The following PDE1A variants were observed in gnomAD, a reference collection of about 807,000 sequenced individuals.
PDE1A encodes the protein dual specificity calcium/calmodulin-dependent 3',5'-cyclic nucleotide phosphodiesterase 1A.
Under a neutral mutation model 61.7 loss-of-function variants are expected in PDE1A, and 35 were observed. The observed-to-expected ratio is 0.57, with a 90% CI of 0.43 to 0.75. The LOEUF (loss-of-function observed/expected upper bound fraction) is 0.75. Among genes scored for constraint, PDE1A ranks in the 30% least tolerant of loss-of-function variants. The pLI is 0.00. For missense variants in PDE1A, 597 were observed against 630.6 expected (o/e 0.95, Z 0.57); for synonymous variants, 232 against 213.2 (o/e 1.09, Z -0.77).
chr2:182,469,969 T>C (rs905219412), intron 2 of PDE1A, among the ~76,000 whole-genome samples: 2 of 151,698 alleles, frequency 1.3e-5, no homozygotes, highest in Admixed American at 6.6e-5. Context: ...CCCACAACAA[T>C]TGCAATAGTA....
intron 2 of PDE1A, among the ~76,000 whole-genome samples, chr2:182,486,008 A>G (rs556141390): frequency 3.3e-5 from 5 of 152,166 alleles, no homozygotes; most frequent in Non-Finnish European, 7.4e-5. Flanking sequence ...AGAAAGGAAG[A>G]AGTAAAACTC....
At chr2:182,163,942 G>T (rs1031741260), downstream of PDE1A, among the ~76,000 whole-genome samples, 1 of 152,126 alleles carries the variant, frequency 6.6e-6, no homozygotes, top group Non-Finnish European at 1.5e-5. Flanking sequence ...CACAATAGAG[G>T]TCTTTAGGAT....
At position 182,403,598 on chromosome 2, in the gene PDE1A, C is replaced by CAAAAAAAAAAAAAAA. The variant is rs548993514; in HGVS notation, c.53+22965_53+22979dup. On this transcript the variant is annotated intron_variant, in intron 1 of 13. Transcript: ENST00000351439. ...TGGGCGACAGAGCCAGACTCCGTCT[C>CAAAAAAAAAAAAAAA]AAAAAAAAAAAAAAAAGAAAATGTG... 3.6e-3 allele frequency among the ~76,000 whole-genome samples: 275 copies of CAAAAAAAAAAAAAAA among 77,446 alleles called. 1 individual carries two copies. The highest frequency in any genetic ancestry group is 4.9e-3 in the Non-Finnish European group (200 of 41,020). The allele number at this position is 77,446 out of a possible 152,430, so 50.8% of individuals were successfully genotyped here. A position where few individuals can be genotyped will look rare whatever the true frequency, so the allele number is the denominator to read the frequency against.
intron 1 of PDE1A, among the ~76,000 whole-genome samples, chr2:182,283,681 A>T (rs1365148721): frequency 6.6e-6 from 1 of 152,088 alleles, no homozygotes; most frequent in Non-Finnish European, 1.5e-5. Context: ...TTCACCCAGA[A>T]GGAAATGAAT....
At chr2:182,332,376 T>C (rs932906726) in intron 1 of PDE1A, among the ~76,000 whole-genome samples, 8 of 152,190 alleles carry the variant, frequency 5.3e-5, no homozygotes, top group African/African-American at 1.4e-4. Flanking sequence ...TCATTCTCTG[T>C]CCAGTTTTGT....
At chr2:182,168,732 T>A (rs1043857924) in intron 13 of PDE1A, among the ~76,000 whole-genome samples, 2 of 152,142 alleles carry the variant, frequency 1.3e-5, no homozygotes, top group Admixed American at 6.6e-5. Flanking sequence ...GAAATGATAT[T>A]CTATCTGTGA....
At chr2:182,279,476 T>G (rs1413345964) in intron 1 of PDE1A, among the ~76,000 whole-genome samples, 1 of 151,968 alleles carries the variant, frequency 6.6e-6, no homozygotes, top group East Asian at 1.9e-4. Flanking sequence ...CTGCTTTCTT[T>G]TTCTTTCCAC....
the PDE1A span, among the ~76,000 whole-genome samples, chr2:182,584,490 A>G: frequency 6.6e-6 from 1 of 152,228 alleles, no homozygotes; most frequent in African/African-American, 2.4e-5. Context: ...CCTGTCTTTA[A>G]AAAGAAGATA....
chr2:182,141,399 C>T lies in PDE1A; in HGVS notation c.*1683G>A, dbSNP rs532375121. 5 of 152,194 alleles carry T rather than the reference C, an allele frequency of 3.3e-5. No homozygotes were observed. In the East Asian group the frequency reaches 9.7e-4, roughly 29 times the overall value. The allele number at this position is 152,194 out of a possible 1,614,324, so 9.4% of individuals were successfully genotyped here. A position where few individuals can be genotyped will look rare whatever the true frequency, so the allele number is the denominator to read the frequency against. On this transcript the variant is annotated 3_prime_UTR_variant, in exon 15 of 15. Coordinates refer to the PDE1A transcript ENST00000435564. ...TGATGTACATATCTATAAATGTTTT[C>T]CCCAGCACATTATTATAGATCAATC...
At chr2:182,362,023 G>A (rs1699542100) in intron 1 of PDE1A, among the ~76,000 whole-genome samples, 2 of 152,010 alleles carry the variant, frequency 1.3e-5, no homozygotes, top group African/African-American at 2.4e-5. Flanking sequence ...TGTGTAAAGA[G>A]TTTGCTTTAG....
intron 1 of PDE1A, among the ~76,000 whole-genome samples, chr2:182,328,439 A>G (rs1697188703): frequency 6.6e-6 from 1 of 152,194 alleles, no homozygotes; most frequent in Admixed American, 6.5e-5. Context: ...TATTGCAATG[A>G]TGGATTATTG....
At chr2:182,543,665 AT>A in the PDE1A span, among the ~76,000 whole-genome samples, 1 of 152,170 alleles carries the variant, frequency 6.6e-6, no homozygotes, top group African/African-American at 2.4e-5. Context: ...CAAATTAAAC[AT>A]TGGAAACAGT....
At chr2:182,163,185 T>C (rs1315783862), downstream of PDE1A, among the ~76,000 whole-genome samples, 1 of 152,142 alleles carries the variant, frequency 6.6e-6, no homozygotes, top group Non-Finnish European at 1.5e-5. Flanking sequence ...TAATTGCAAC[T>C]GCTACACCCA....
intron 13 of PDE1A, among the ~76,000 whole-genome samples, chr2:182,148,268 C>G (rs895410641): frequency 2.0e-5 from 3 of 152,050 alleles, no homozygotes; most frequent in Non-Finnish European, 4.4e-5. Context: ...GAAATGTTGC[C>G]TGTGTGTGTG....
At chr2:182,435,694 A>G (rs1214296414) in intron 2 of PDE1A, among the ~76,000 whole-genome samples, 1 of 152,120 alleles carries the variant, frequency 6.6e-6, no homozygotes, top group African/African-American at 2.4e-5. Context: ...AAGTAGCTGC[A>G]TACTGAGACT....
the PDE1A span, among the ~76,000 whole-genome samples, chr2:182,617,035 AC>A: frequency 1.3e-5 from 2 of 152,274 alleles, no homozygotes; most frequent in African/African-American, 4.8e-5. Context: ...CAGAGGTTTG[AC>A]CTTTGCCTTC....
At chr2:182,423,154 T>A (rs113184752) in intron 1 of PDE1A, among the ~76,000 whole-genome samples, 82 of 152,288 alleles carry the variant, frequency 5.4e-4, no homozygotes, top group African/African-American at 1.7e-3. Context: ...GCCTTGGCCA[T>A]AAAAGAAACT....
At chr2:182,295,055 A>ATTTTTTTT (rs1559306033) in intron 1 of PDE1A, among the ~76,000 whole-genome samples, 2 of 76,772 alleles carry the variant, frequency 2.6e-5, no homozygotes, top group African/African-American at 4.3e-5. Flanking sequence ...ATAAAAGGTA[A>ATTTTTTTT]TCTTTTTTTT....
At chr2:182,207,275 G>C (rs1372183358) in intron 7 of PDE1A, among the ~76,000 whole-genome samples, 3 of 152,152 alleles carry the variant, frequency 2.0e-5, no homozygotes, top group Non-Finnish European at 4.4e-5. Context: ...GAGATAAGGA[G>C]GTCTTAGGTA....
Sources: allele counts gnomAD v4.1 joint callset (sites outside exome capture counted in the v4.1 genomes callset), GRCh38; gene constraint gnomAD v4.1.1; transcripts MANE v1.5; gene names NCBI Gene and HGNC (gene_info 2026-07-23, HGNC 2026-07-21).